ERBB4: variants seen among roughly 807,000 people sequenced by gnomAD.
ERBB4 encodes the protein receptor tyrosine-protein kinase erbB-4.
ERBB4 carries 42 observed loss-of-function variants against 158.0 expected under a neutral mutation model. The ratio of observed to expected loss-of-function variants is 0.27; its 90% CI spans 0.21 to 0.34. ERBB4 has a LOEUF of 0.34. ERBB4 is among the 10% of genes least tolerant of loss of function. The probability of loss-of-function intolerance (pLI) is 1.00; values close to 1 mark genes in which losing one functional copy is unlikely to be tolerated. For missense variants in ERBB4, 1,333 were observed against 1,624.1 expected (o/e 0.82, Z 3.08); for synonymous variants, 583 against 558.7 (o/e 1.04, Z -0.61).
Position 212,301,181 on chromosome 2 carries a change from C to A in ERBB4, c.83-176278G>T, listed in dbSNP as rs924153803. On this transcript the variant is annotated intron_variant, in intron 1 of 27. Coordinates refer to ENST00000342788, the MANE Select transcript of ERBB4 (RefSeq NM_005235.3). ...AACCTTTCCTTTCCTGATTCAAGGA[C>A]CTGCCTTCATCTTACCATGTCTTCC... Among the ~76,000 whole-genome samples, 3 of 150,826 alleles carry A rather than the reference C, an allele frequency of 2.0e-5. No individual in the cohort carries two copies. The South Asian group carries it at 6.2e-4, about 31-fold the overall frequency.
chr2:212,378,383 A>C (rs1404886427), intron 1 of ERBB4, among the ~76,000 whole-genome samples: 1 of 151,818 alleles, frequency 6.6e-6, no homozygotes, highest in Non-Finnish European at 1.5e-5. Context: ...ATAACTGACT[A>C]TCCTGTTTTA....
chr2:211,936,465 T>C (rs763491574), intron 3 of ERBB4, among the ~76,000 whole-genome samples: 1 of 152,080 alleles, frequency 6.6e-6, no homozygotes, highest in South Asian at 2.1e-4. Flanking sequence ...AAAATTGTTA[T>C]AGTCATTATG....
At chr2:211,978,392 GTCTGTCTATCTA>G (rs1174878738) in intron 2 of ERBB4, among the ~76,000 whole-genome samples, 9 of 102,242 alleles carry the variant, frequency 8.8e-5, no homozygotes, top group African/African-American at 3.3e-4. Context: ...CTGTCTGTCT[GTCTGTCTATCTA>G]TCTATCTATC....
intron 3 of ERBB4, among the ~76,000 whole-genome samples, chr2:211,825,651 C>T (rs2077084856): frequency 6.6e-6 from 1 of 151,300 alleles, no homozygotes; most frequent in Non-Finnish European, 1.5e-5. Flanking sequence ...AGTCCAGGAG[C>T]TTATAATCTG....
intron 16 of ERBB4, chr2:211,657,514 A>C (rs1337452568): frequency 4.2e-6 from 2 of 474,624 alleles, no homozygotes; most frequent in African/African-American, 2.0e-5. Flanking sequence ...GTCTCCAAAA[A>C]AAAAAAAAAG....
intron 1 of ERBB4, among the ~76,000 whole-genome samples, chr2:212,253,252 G>A (rs2084606809): frequency 2.0e-5 from 3 of 151,908 alleles, no homozygotes; most frequent in African/African-American, 4.8e-5. Context: ...TTTTGTATAT[G>A]AATTTAACAA....
intron 2 of ERBB4, among the ~76,000 whole-genome samples, chr2:212,119,242 G>C (rs1181065754): frequency 6.6e-6 from 1 of 152,056 alleles, no homozygotes; most frequent in African/African-American, 2.4e-5. Context: ...CTGAGGATAG[G>C]TGTTAACACT....
rs116970611 is a variant in ERBB4 at position 211,793,605 on chromosome 2, C to T, written c.422-5446G>A. On this transcript the variant is annotated intron_variant, in intron 3 of 27. Coordinates refer to ENST00000342788, the MANE Select transcript of ERBB4 (RefSeq NM_005235.3). ...AGCAATGTATCTTTCTCACTGTCAT[C>T]ACCTTAAGCCACACAAGTCTGTTGG... Among the ~76,000 whole-genome samples, 149 of 151,994 alleles carry T rather than the reference C, an allele frequency of 9.8e-4. 4 individuals carry two copies. In the East Asian group the frequency reaches 0.027, roughly 27 times the overall value.
At chr2:212,166,125 G>A (rs539940028) in intron 1 of ERBB4, among the ~76,000 whole-genome samples, 70 of 151,648 alleles carry the variant, frequency 4.6e-4, no homozygotes, top group Non-Finnish European at 8.7e-4. Context: ...TGGCTAAGCA[G>A]CTACTCTCCT....
At chr2:212,254,823 T>C (rs1047301951) in intron 1 of ERBB4, among the ~76,000 whole-genome samples, 2 of 152,110 alleles carry the variant, frequency 1.3e-5, no homozygotes, top group Non-Finnish European at 2.9e-5. Context: ...TCATTCTAGA[T>C]GGCTAGTTAT....
At chr2:212,390,579 G>T (rs1296775029) in intron 1 of ERBB4, among the ~76,000 whole-genome samples, 1 of 151,686 alleles carries the variant, frequency 6.6e-6, no homozygotes, top group African/African-American at 2.4e-5. Context: ...GGAAAGCTAT[G>T]CTATGTCCTT....
At chr2:211,999,244 T>C (rs913426322) in intron 2 of ERBB4, among the ~76,000 whole-genome samples, 2 of 151,842 alleles carry the variant, frequency 1.3e-5, no homozygotes, top group African/African-American at 2.4e-5. Context: ...GCAGAATATA[T>C]TAGTAATTGA....
intron 1 of ERBB4, among the ~76,000 whole-genome samples, chr2:212,474,095 G>C (rs1689252363): frequency 6.6e-6 from 1 of 151,992 alleles, no homozygotes; most frequent in Non-Finnish European, 1.5e-5. Flanking sequence ...TTATTTTGTA[G>C]ATGACACTAT....
chr2:211,473,993 G>A (rs976110620), intron 20 of ERBB4, among the ~76,000 whole-genome samples: 3 of 152,032 alleles, frequency 2.0e-5, no homozygotes, highest in Admixed American at 1.3e-4. Flanking sequence ...TCTCCAAGGA[G>A]CAAAGGTTTT....
chr2:212,054,283 C>G (rs11692869), intron 2 of ERBB4, among the ~76,000 whole-genome samples: 88,521 of 152,006 alleles, frequency 0.58, 29,065 homozygotes, highest in East Asian at 0.92. Context: ...GTGGTGGAAA[C>G]AGCCTGCCTT....
At chr2:212,340,937 G>C (rs1574721581) in intron 1 of ERBB4, among the ~76,000 whole-genome samples, 1 of 152,004 alleles carries the variant, frequency 6.6e-6, no homozygotes, top group Non-Finnish European at 1.5e-5. Flanking sequence ...AATCACAATT[G>C]ATTTAACTCA....
intron 7 of ERBB4, among the ~76,000 whole-genome samples, chr2:211,722,110 C>T (rs573909229): frequency 2.0e-5 from 3 of 152,304 alleles, no homozygotes; most frequent in African/African-American, 7.2e-5. Context: ...TGCCACCCAC[C>T]TCGGCCTCCC....
At chr2:212,446,281 C>A (rs1467420186) in intron 1 of ERBB4, among the ~76,000 whole-genome samples, 2 of 148,274 alleles carry the variant, frequency 1.3e-5, no homozygotes, top group Non-Finnish European at 3.0e-5. Flanking sequence ...AAGGGTGTTG[C>A]CAGAAGAGAT....
At chr2:211,533,308 T>C (rs573245898) in intron 20 of ERBB4, among the ~76,000 whole-genome samples, 16 of 152,164 alleles carry the variant, frequency 1.1e-4, no homozygotes, top group African/African-American at 3.8e-4. Flanking sequence ...ATGTCTTCTG[T>C]AATTTTACAA....
Sources: allele counts gnomAD v4.1 joint callset (sites outside exome capture counted in the v4.1 genomes callset), GRCh38; gene constraint gnomAD v4.1.1; transcripts MANE v1.5; gene names NCBI Gene and HGNC (gene_info 2026-07-23, HGNC 2026-07-21).